Variants in TBC1D19 observed in about 807,000 individuals in gnomAD.
The protein encoded by TBC1D19 is TBC1 domain family, member 19.
TBC1D19 carries 60 observed loss-of-function variants against 89.0 expected under a neutral mutation model. The observed-to-expected ratio is 0.67, with a 90% CI of 0.55 to 0.84. The LOEUF (loss-of-function observed/expected upper bound fraction) is 0.84. TBC1D19 is among the 40% of genes least tolerant of loss of function. The pLI is 0.00. For missense variants in TBC1D19, 500 were observed against 610.8 expected, an observed-to-expected ratio of 0.82 and a Z score of 1.91; for synonymous variants, 189 against 199.7, an observed-to-expected ratio of 0.95 and a Z score of 0.45.
At chr4:26,842,340 C>CTTTTTTTTTT in the TBC1D19 span, among the ~76,000 whole-genome samples, 123 of 81,602 alleles carry the variant, frequency 1.5e-3, no homozygotes, top group Admixed American at 1.7e-3. Flanking sequence ...CTTTTCTTTT[C>CTTTTTTTTTT]TTTTTTTTTT....
chr4:26,842,624 CTTTCTTTCTTTCTTTCTTTCTTTT>C, the TBC1D19 span, among the ~76,000 whole-genome samples: 3 of 126,488 alleles, frequency 2.4e-5, no homozygotes, highest in African/African-American at 9.0e-5. Flanking sequence ...TTCTTTCTTT[CTTTCTTTCTTTCTTTCTTTCTTTT>C]TCTTTCTTCT....
intron 9 of TBC1D19, 23 bp downstream of exon 9, chr4:26,666,428 A>G: frequency 6.3e-7 from 1 of 1,584,578 alleles, no homozygotes; most frequent in Non-Finnish European, 8.6e-7. Flanking sequence ...CCAACGGCAT[A>G]TAATTAATGA....
At chr4:26,798,467 T>C in the TBC1D19 span, among the ~76,000 whole-genome samples, 1 of 152,100 alleles carries the variant, frequency 6.6e-6, no homozygotes, top group Non-Finnish European at 1.5e-5. Context: ...GTAAATTAGT[T>C]CAATCCCTAT....
chr4:26,761,073 C>G (rs1282505131), downstream of TBC1D19, among the ~76,000 whole-genome samples: 1 of 152,132 alleles, frequency 6.6e-6, no homozygotes, highest in South Asian at 2.1e-4. Context: ...TTTTGTCTAA[C>G]CTAATTTCAA....
the TBC1D19 span, among the ~76,000 whole-genome samples, chr4:26,826,255 C>A: frequency 6.6e-6 from 1 of 152,066 alleles, no homozygotes; most frequent in Non-Finnish European, 1.5e-5. Context: ...AATAAAAGAA[C>A]AATTTAATTC....
At chr4:26,812,954 C>T in the TBC1D19 span, among the ~76,000 whole-genome samples, 1 of 152,044 alleles carries the variant, frequency 6.6e-6, no homozygotes, top group Non-Finnish European at 1.5e-5. This position sits in a 1 kb window ranked among gnomAD's most constrained non-coding sequence, Gnocchi z 4.2. Context: ...TGTTGGCTCA[C>T]ATCTGTAGTC....
chr4:26,814,781 G>T, the TBC1D19 span, among the ~76,000 whole-genome samples: 1 of 152,168 alleles, frequency 6.6e-6, no homozygotes, highest in Non-Finnish European at 1.5e-5. Context: ...AATGCTTTGG[G>T]AACCTGAGGT....
chr4:26,735,046 ACAC>A (rs1717936639), intron 15 of TBC1D19, among the ~76,000 whole-genome samples: 2 of 151,136 alleles, frequency 1.3e-5, no homozygotes, highest in Non-Finnish European at 3.0e-5. Flanking sequence ...ATATGTGTAC[ACAC>A]ATGTATATAT....
At chr4:26,604,182 G>C (rs1241192733) in intron 1 of TBC1D19, among the ~76,000 whole-genome samples, 1 of 130,546 alleles carries the variant, frequency 7.7e-6, no homozygotes, top group Non-Finnish European at 1.6e-5. Flanking sequence ...GAGACGGAGT[G>C]TCGCTCTGTT....
chr4:26,750,679 C>T (rs1168156864), intron 19 of TBC1D19, among the ~76,000 whole-genome samples: 1 of 152,096 alleles, frequency 6.6e-6, no homozygotes, highest in African/African-American at 2.4e-5. Context: ...TTGCTTCCAC[C>T]CATTTTCCCT....
At chr4:26,850,020 G>C in the TBC1D19 span, among the ~76,000 whole-genome samples, 48 of 152,084 alleles carry the variant, frequency 3.2e-4, no homozygotes, top group Non-Finnish European at 8.8e-5. Context: ...GATACTGTAA[G>C]TATCTCATTT....
chr4:26,778,055 A>G, the TBC1D19 span, among the ~76,000 whole-genome samples: 1 of 151,254 alleles, frequency 6.6e-6, no homozygotes, highest in Admixed American at 6.6e-5. Context: ...GCCCTGTAAG[A>G]AAAAAAGAAG....
intron 11 of TBC1D19, among the ~76,000 whole-genome samples, chr4:26,682,398 CT>C (rs1014763938): frequency 6.6e-6 from 1 of 152,126 alleles, no homozygotes; most frequent in African/African-American, 2.4e-5. Context: ...GCAAAGAGCA[CT>C]TTGACTCAAG....
At chr4:26,811,527 C>G in the TBC1D19 span, among the ~76,000 whole-genome samples, 124,230 of 152,162 alleles carry the variant, frequency 0.82, 50,889 homozygotes, top group South Asian at 0.89. Context: ...TACCAGAAAT[C>G]GGTCCCGATC....
chr4:26,596,485 TGTGA>T (rs912049374), intron 1 of TBC1D19, among the ~76,000 whole-genome samples: 17 of 150,552 alleles, frequency 1.1e-4, no homozygotes, highest in Admixed American at 3.3e-4. Flanking sequence ...TGTGTGTGTG[TGTGA>T]GAGAGAGTGT....
chr4:26,626,893 TTTA>T (rs915974884), intron 4 of TBC1D19, among the ~76,000 whole-genome samples: 8 of 150,002 alleles, frequency 5.3e-5, no homozygotes, highest in African/African-American at 1.9e-4. Context: ...ATTTTTTTAT[TTTA>T]TTATTATTAT....
At chr4:26,740,846 T>C (rs1718324838) in intron 17 of TBC1D19, 1 of 985,406 alleles carries the variant, frequency 1.0e-6, no homozygotes. Context: ...TCTAAGCCTA[T>C]ATATTCCTAT....
At chr4:26,674,006 A>G (rs983223277) in intron 11 of TBC1D19, 118 bp downstream of exon 11, 4 of 540,960 alleles carry the variant, frequency 7.4e-6, no homozygotes, top group African/African-American at 3.9e-5. Context: ...CCCCTTTTTA[A>G]ATTTTCAAAA....
At chr4:26,765,652 A>G in the TBC1D19 span, among the ~76,000 whole-genome samples, 1 of 152,128 alleles carries the variant, frequency 6.6e-6, no homozygotes, top group Non-Finnish European at 1.5e-5. Flanking sequence ...GGTCTAGATC[A>G]TTTGTCTCTG....
Sources: gnomAD v4.1 joint callset for allele counts (sites outside exome capture counted in the v4.1 genomes callset) on GRCh38, gnomAD v4.1.1 for gene constraint, Gnocchi (gnomAD v3.1) non-coding constraint, MANE v1.5 for transcripts, NCBI Gene and HGNC (gene_info 2026-07-23, HGNC 2026-07-21) for gene names.